The following LCLAT1 variants were observed in gnomAD, a reference collection of about 807,000 sequenced individuals.
LCLAT1 encodes the protein 1-AGP acyltransferase 8.
LCLAT1 carries 11 observed loss-of-function variants against 30.7 expected under a neutral mutation model. The observed-to-expected ratio is 0.36, with a 90% CI of 0.23 to 0.59. The LOEUF (loss-of-function observed/expected upper bound fraction) is 0.59, where lower values mean the gene tolerates loss of function less well. Ranked by LOEUF, LCLAT1 falls within the 20% of genes least tolerant of loss-of-function variation. LCLAT1 has a pLI of 0.77. For missense variants in LCLAT1, 402 were observed against 458.6 expected (o/e 0.88, Z 1.13); for synonymous variants, 155 against 151.3 (o/e 1.02, Z -0.18).
chr2:30,565,428 T>C (rs1665435139), intron 4 of LCLAT1, among the ~76,000 whole-genome samples: 1 of 152,200 alleles, frequency 6.6e-6, no homozygotes, highest in Non-Finnish European at 1.5e-5. Flanking sequence ...AATTTAAATA[T>C]TAGTCTCTTC....
At position 30,592,747 on chromosome 2, in the gene LCLAT1, G is replaced by A. The variant is rs962537011; in HGVS notation, c.628+24571G>A. Among the ~76,000 whole-genome samples, 3 of 152,172 alleles carry A rather than the reference G, an allele frequency of 2.0e-5. No homozygotes were observed. In the South Asian group the frequency reaches 6.2e-4, roughly 32 times the overall value. Reference sequence around the variant, plus strand: ...TCTACTTATTAAAGTAGGTCCAATAGGACCTGTTATTTACCAATCTGCTAC... The same window carrying A: ...TCTACTTATTAAAGTAGGTCCAATAAGACCTGTTATTTACCAATCTGCTAC... On this transcript the variant is annotated intron_variant, in intron 5 of 5. Transcript: ENST00000379509.
intron 4 of LCLAT1, among the ~76,000 whole-genome samples, chr2:30,565,578 A>G (rs1020581554): frequency 3.3e-5 from 5 of 152,204 alleles, no homozygotes; most frequent in Non-Finnish European, 7.3e-5. Context: ...TGATTTGGAA[A>G]GATTCTAACA....
chr2:30,517,441 A>G (rs1462912336), intron 1 of LCLAT1, among the ~76,000 whole-genome samples: 1 of 152,166 alleles, frequency 6.6e-6, no homozygotes, highest in Non-Finnish European at 1.5e-5. Context: ...CCCATTGTGT[A>G]AGATGCTCTC....
intron 5 of LCLAT1, among the ~76,000 whole-genome samples, chr2:30,626,729 CTT>C (rs1668529575): frequency 6.6e-6 from 1 of 150,778 alleles, no homozygotes; most frequent in Non-Finnish European, 1.5e-5. Flanking sequence ...AGTAGTTTCT[CTT>C]TTTCAGTTTT....
At chr2:30,479,582 C>T (rs1683225721) in intron 1 of LCLAT1, among the ~76,000 whole-genome samples, 1 of 152,022 alleles carries the variant, frequency 6.6e-6, no homozygotes, top group Non-Finnish European at 1.5e-5. Context: ...AGATAAAAGA[C>T]AGGTAAGACT....
At chr2:30,550,304 G>A (rs927215081) in intron 3 of LCLAT1, among the ~76,000 whole-genome samples, 1 of 152,162 alleles carries the variant, frequency 6.6e-6, no homozygotes, top group African/African-American at 2.4e-5. Context: ...GTTAATTTTG[G>A]TGCAATACTA....
chr2:30,557,303 T>TGTGTGTGTGTGC (rs1664969659), intron 3 of LCLAT1, among the ~76,000 whole-genome samples: 1 of 151,418 alleles, frequency 6.6e-6, no homozygotes, highest in African/African-American at 2.4e-5. Context: ...TGTGTGTGTG[T>TGTGTGTGTGTGC]GTGTGTGTGT....
intron 5 of LCLAT1, among the ~76,000 whole-genome samples, chr2:30,586,555 A>C (rs1374345418): frequency 6.6e-6 from 1 of 152,210 alleles, no homozygotes; most frequent in Non-Finnish European, 1.5e-5. Flanking sequence ...TTATTTAGAA[A>C]TAGGTTCTTT....
At chr2:30,525,835 TTC>T (rs1387705462) in intron 2 of LCLAT1, 80 bp downstream of exon 2, 4 of 1,208,454 alleles carry the variant, frequency 3.3e-6, no homozygotes, top group Non-Finnish European at 4.8e-6. Context: ...TCCATGGATG[TTC>T]AAGTCCCTAC....
At chr2:30,492,489 A>G (rs1475536668) in intron 1 of LCLAT1, among the ~76,000 whole-genome samples, 1 of 152,062 alleles carries the variant, frequency 6.6e-6, no homozygotes. Flanking sequence ...GGAAATTTCA[A>G]AAATTAACTT....
chr2:30,581,726 A>G (rs80032522), intron 5 of LCLAT1, among the ~76,000 whole-genome samples: 13,264 of 152,188 alleles, frequency 0.087, 1,065 homozygotes, highest in African/African-American at 0.22. Context: ...ATAGGAGTAG[A>G]GAGTAGAATA....
At chr2:30,637,730 A>C (rs181341391) in intron 5 of LCLAT1, among the ~76,000 whole-genome samples, 2 of 152,268 alleles carry the variant, frequency 1.3e-5, no homozygotes, top group Admixed American at 6.5e-5. Flanking sequence ...AGCGTGCGCC[A>C]CCACGCCCAG....
intron 3 of LCLAT1, among the ~76,000 whole-genome samples, chr2:30,540,390 C>T (rs1664075728): frequency 6.6e-6 from 1 of 152,166 alleles, no homozygotes; most frequent in Non-Finnish European, 1.5e-5. Flanking sequence ...TTCCAATCTT[C>T]AGCACTTACT....
intron 5 of LCLAT1, among the ~76,000 whole-genome samples, chr2:30,571,441 T>C (rs1426012686): frequency 6.6e-6 from 1 of 152,184 alleles, no homozygotes; most frequent in Non-Finnish European, 1.5e-5. Flanking sequence ...AATATACCAA[T>C]CATAGACAGC....
At chr2:30,507,113 G>A (rs1430734558) in intron 1 of LCLAT1, among the ~76,000 whole-genome samples, 4 of 151,946 alleles carry the variant, frequency 2.6e-5, no homozygotes, top group East Asian at 1.9e-4. Context: ...AATAATTGAC[G>A]TTAGTGTTCA....
chr2:30,608,428 A>G (rs994429568), intron 5 of LCLAT1, among the ~76,000 whole-genome samples: 4 of 152,074 alleles, frequency 2.6e-5, no homozygotes, highest in African/African-American at 9.7e-5. Context: ...TAAAGTCTAC[A>G]GTAGTGTACA....
At chr2:30,553,256 C>T (rs926055262) in intron 3 of LCLAT1, among the ~76,000 whole-genome samples, 3 of 152,006 alleles carry the variant, frequency 2.0e-5, no homozygotes, top group African/African-American at 2.4e-5. Context: ...CCCTAGGCAA[C>T]GCTAAAACTT....
chr2:30,502,144 G>A (rs13390344), intron 1 of LCLAT1, among the ~76,000 whole-genome samples: 19,324 of 152,170 alleles, frequency 0.13, 1,360 homozygotes, highest in South Asian at 0.23. Context: ...ACATTTTGAT[G>A]TACTTCTATC....
intron 3 of LCLAT1, chr2:30,552,494 A>G (rs1373485076): frequency 2.3e-6 from 1 of 444,376 alleles, no homozygotes; most frequent in Non-Finnish European, 4.6e-6. Context: ...TATTTTCAGC[A>G]CAGTCACATT....
Sources: allele counts gnomAD v4.1 joint callset (sites outside exome capture counted in the v4.1 genomes callset), GRCh38; gene constraint gnomAD v4.1.1; transcripts MANE v1.5; gene names NCBI Gene and HGNC (gene_info 2026-07-23, HGNC 2026-07-21).